The following FRMD4A variants were observed in gnomAD, a reference collection of about 807,000 sequenced individuals.
FRMD4A encodes FERM domain containing 4A.
FRMD4A carries 29 observed loss-of-function variants against 129.1 expected under a neutral mutation model. The ratio of observed to expected loss-of-function variants is 0.22; its 90% CI spans 0.17 to 0.31. The LOEUF (loss-of-function observed/expected upper bound fraction) is 0.31. FRMD4A is among the 10% of genes least tolerant of loss of function. The probability of loss-of-function intolerance (pLI) is 1.00; values close to 1 mark genes in which losing one functional copy is unlikely to be tolerated. For missense variants in FRMD4A, 1,272 were observed against 1,375.8 expected (o/e 0.92, Z 1.19); for synonymous variants, 634 against 571.6 (o/e 1.11, Z -1.56).
chr10:14,060,922 A>G, intron 2 of FRMD4A, among the ~76,000 whole-genome samples: 1 of 152,320 alleles, frequency 6.6e-6, no homozygotes. Context: ...GAGTAATGTT[A>G]ATAGACTGAC....
At chr10:13,829,517 G>A (rs931665163) in intron 3 of FRMD4A, among the ~76,000 whole-genome samples, 2 of 152,162 alleles carry the variant, frequency 1.3e-5, no homozygotes, top group African/African-American at 2.4e-5. Context: ...AAAAACCAGT[G>A]TTCCCTTGAG....
intron 2 of FRMD4A, among the ~76,000 whole-genome samples, chr10:14,172,122 G>C (rs1387830118): frequency 6.6e-6 from 1 of 152,068 alleles, no homozygotes; most frequent in Non-Finnish European, 1.5e-5. Context: ...AATGCAGTTT[G>C]AATTTTCAAT....
rs1014845557 is a variant in FRMD4A, at chr10:13,796,660, A to G, written c.207-72T>C. 23 of 778,676 alleles carry G rather than the reference A, an allele frequency of 3.0e-5. No individual in the cohort carries two copies. In the Admixed American group the frequency reaches 4.1e-4, roughly 14 times the overall value. The allele number at this position is 778,676 out of a possible 1,614,324, so 48.2% of individuals were successfully genotyped here. On this transcript the variant is annotated intron_variant, in intron 4 of 24. Coordinates refer to ENST00000357447, the MANE Select transcript of FRMD4A (RefSeq NM_018027.5). ...AGTTTTTTTGGGGTTGAAGGTATAT[A>G]TGAAGCAGAACGTGCTGGATCGTAG...
chr10:14,275,700 G>C (rs552926040), intron 2 of FRMD4A, among the ~76,000 whole-genome samples: 1 of 152,152 alleles, frequency 6.6e-6, no homozygotes, highest in Non-Finnish European at 1.5e-5. Context: ...TAGGTAAAGC[G>C]TTAAGCCTTT....
At chr10:13,813,412 G>A (rs1352650289) in intron 3 of FRMD4A, among the ~76,000 whole-genome samples, 2 of 152,338 alleles carry the variant, frequency 1.3e-5, no homozygotes, top group East Asian at 3.9e-4. Flanking sequence ...CTGCACTCCA[G>A]CCTTGGCAAC....
intron 2 of FRMD4A, among the ~76,000 whole-genome samples, chr10:13,896,060 C>T (rs113544840): frequency 0.023 from 3,515 of 152,232 alleles, 125 homozygotes; most frequent in African/African-American, 0.08. Flanking sequence ...AATGCTTTTA[C>T]GCTGTTGGTG....
At chr10:13,770,054 C>A (rs2092412636) in intron 6 of FRMD4A, among the ~76,000 whole-genome samples, 2 of 152,096 alleles carry the variant, frequency 1.3e-5, no homozygotes, top group Admixed American at 1.3e-4. Context: ...TCGGTTCTGT[C>A]CCTCTGACTA....
intron 15 of FRMD4A, among the ~76,000 whole-genome samples, chr10:13,691,556 C>T (rs1419722237): frequency 6.6e-6 from 1 of 152,184 alleles, no homozygotes; most frequent in Non-Finnish European, 1.5e-5. Context: ...AGCGACTAGA[C>T]CAGCAGCATC....
At chr10:14,154,172 G>A (rs1840485777) in intron 2 of FRMD4A, among the ~76,000 whole-genome samples, 2 of 152,162 alleles carry the variant, frequency 1.3e-5, no homozygotes, top group Admixed American at 6.5e-5. Flanking sequence ...AAGGTCTAGG[G>A]TATGGATTTT....
chr10:14,149,567 C>T (rs982317156), intron 2 of FRMD4A, among the ~76,000 whole-genome samples: 1 of 151,910 alleles, frequency 6.6e-6, no homozygotes, highest in Non-Finnish European at 1.5e-5. Flanking sequence ...TACAGTGGTG[C>T]CATCATAGCT....
intron 2 of FRMD4A, among the ~76,000 whole-genome samples, chr10:14,051,466 G>C (rs1356995292): frequency 6.6e-6 from 1 of 152,226 alleles, no homozygotes; most frequent in African/African-American, 2.4e-5. Flanking sequence ...GGACGCCGGG[G>C]TGAGCGCAAG....
intron 2 of FRMD4A, chr10:14,083,143 A>G (rs1404731149): frequency 6.6e-6 from 1 of 152,218 alleles, no homozygotes; most frequent in East Asian, 1.9e-4. Flanking sequence ...GATCCTTGTC[A>G]CAAGCACCTC....
At position 13,821,216 on chromosome 10, in the gene FRMD4A, G is replaced by A. The variant is rs916483568; in HGVS notation, c.112-10308C>T. On this transcript the variant is annotated intron_variant, in intron 3 of 24. Coordinates refer to ENST00000357447, the MANE Select transcript of FRMD4A (RefSeq NM_018027.5). This position sits in a 1 kb window ranked among gnomAD's most constrained non-coding sequence, Gnocchi z 4.3. ...CTGGGCGGCGACTCCCCTCCTTGTC[G>A]CCCTGCTGCTTAGCTGGGAAGGCTG... Among the ~76,000 whole-genome samples, 7 of 152,104 alleles carry A rather than the reference G, an allele frequency of 4.6e-5. No individual in the cohort carries two copies. Among genetic ancestry groups the A allele is most frequent in the African/African-American group, 9.7e-5 (4 of 41,386 alleles).
At chr10:14,057,816 C>A (rs1423154866) in intron 2 of FRMD4A, among the ~76,000 whole-genome samples, 4 of 152,168 alleles carry the variant, frequency 2.6e-5, no homozygotes, top group Non-Finnish European at 4.4e-5. Flanking sequence ...GTGATCCACC[C>A]ATCTTGGCCT....
intron 2 of FRMD4A, among the ~76,000 whole-genome samples, chr10:14,252,935 C>T (rs968138831): frequency 2.0e-5 from 3 of 152,266 alleles, no homozygotes; most frequent in African/African-American, 7.2e-5. Context: ...TCCATTCATT[C>T]ATTCATTTAT....
At chr10:13,978,769 G>T (rs548917790) in intron 2 of FRMD4A, among the ~76,000 whole-genome samples, 1 of 152,284 alleles carries the variant, frequency 6.6e-6, no homozygotes, top group African/African-American at 2.4e-5. Flanking sequence ...GGGGACTGGA[G>T]AATAACCTTT....
At chr10:14,030,622 A>T (rs1173137739) in intron 2 of FRMD4A, among the ~76,000 whole-genome samples, 2 of 152,190 alleles carry the variant, frequency 1.3e-5, no homozygotes, top group African/African-American at 2.4e-5. Flanking sequence ...GTCTGGGTCT[A>T]GTTAAAGGCT....
chr10:13,976,981 G>A lies in FRMD4A; in HGVS notation c.46-118069C>T, dbSNP rs2095544121. Among the ~76,000 whole-genome samples, 3 of 152,312 alleles carry A rather than the reference G, an allele frequency of 2.0e-5. No homozygotes were observed. In the South Asian group the frequency reaches 6.2e-4, roughly 32 times the overall value. On this transcript the variant is annotated intron_variant, in intron 2 of 24. Transcript: ENST00000357447. ...TTCTCCAAGAGCAAAGCCCAGTACAGTTGAGGCCTAATATCAAGAAACTTC... is the reference window on the plus strand; with the variant it reads ...TTCTCCAAGAGCAAAGCCCAGTACAATTGAGGCCTAATATCAAGAAACTTC...
chr10:14,247,495 C>G (rs377124574), intron 2 of FRMD4A, among the ~76,000 whole-genome samples: 1 of 149,252 alleles, frequency 6.7e-6, no homozygotes, highest in African/African-American at 2.5e-5. Context: ...ACAGATAGGC[C>G]TCTCTCTCTC....
Sources: gnomAD v4.1 joint callset for allele counts (sites outside exome capture counted in the v4.1 genomes callset) on GRCh38, gnomAD v4.1.1 for gene constraint, Gnocchi (gnomAD v3.1) non-coding constraint, MANE v1.5 for transcripts, NCBI Gene and HGNC (gene_info 2026-07-23, HGNC 2026-07-21) for gene names.